TMEM202: variants seen among roughly 807,000 people sequenced by gnomAD.
TMEM202 encodes transmembrane protein 202.
Under a neutral mutation model 26.1 loss-of-function variants are expected in TMEM202, and 25 were observed. The observed-to-expected ratio is 0.96, with a 90% CI of 0.70 to 1.34. The LOEUF (loss-of-function observed/expected upper bound fraction) is 1.34, where lower values mean the gene tolerates loss of function less well. Ranked by LOEUF, TMEM202 falls within the 40% of genes most tolerant of loss-of-function variation. The pLI, the probability that TMEM202 is intolerant of heterozygous loss-of-function variation, is 0.00. For missense variants in TMEM202, 301 were observed against 327.7 expected (o/e 0.92, Z 0.63); for synonymous variants, 122 against 119.0 (o/e 1.02, Z -0.16).
rs763484566 is a variant in TMEM202 at position 72,398,754 on chromosome 15, C to T, written c.183C>T (p.Gly61=). 1.9e-6 allele frequency: 3 copies of T among 1,614,194 alleles called. No homozygotes were observed. In the South Asian group the frequency reaches 3.3e-5, roughly 18 times the overall value. The change falls in exon 2 of 5, where the codon GGC becomes GGT. Residue 61 remains glycine (G), a synonymous_variant. Coordinates refer to ENST00000341689, the MANE Select transcript of TMEM202 (RefSeq NM_001080462.3). ...ACATCTACATCCGAACGCTCTGTGG[C>T]AGCCTCTGTAGTTTTAGCCTCCTAA... The part of the protein sequence containing the change: ...QAHIYIRTLC[G]SLCSFSLLML...
chr15:72,406,712 A>G lies in TMEM202; in HGVS notation c.448A>G (p.Asn150Asp). The G allele has an allele frequency of 1.2e-6, 2 of 1,614,092 alleles. No homozygotes were observed. The highest frequency in any genetic ancestry group is 1.7e-6 in the Non-Finnish European group (2 of 1,179,996). Residue 150 changes from asparagine to aspartate, a missense_variant, in exon 3 of 5, where the codon AAC becomes GAC. Transcript: ENST00000341689. ...WILNRGSMTT[N>D]LDLKVSMLSF... Reference sequence around the variant, plus strand: ...CCTTAATCGAGGAAGCATGACCACCAACTTGGATCTGAAGGTATCCATGCT... The same window carrying G: ...CCTTAATCGAGGAAGCATGACCACCGACTTGGATCTGAAGGTATCCATGCT...
intron 2 of TMEM202, among the ~76,000 whole-genome samples, chr15:72,405,497 T>A (rs1359511828): frequency 6.6e-6 from 1 of 152,104 alleles, no homozygotes; most frequent in Non-Finnish European, 1.5e-5. Context: ...CAGTCCGCAG[T>A]GGCAGAGCCA....
At chr15:72,403,295 C>T (rs1011980265) in intron 2 of TMEM202, among the ~76,000 whole-genome samples, 1 of 152,072 alleles carries the variant, frequency 6.6e-6, no homozygotes, top group African/African-American at 2.4e-5. Context: ...GGGCTGATCC[C>T]GAGAACATCT....
Position 72,406,710 on chromosome 15 carries a change from C to T in TMEM202, c.446C>T (p.Thr149Ile), listed in dbSNP as rs760437004. The part of the protein sequence containing the change: ...SWILNRGSMT[T>I]NLDLKVSMLS... ...ATCCTTAATCGAGGAAGCATGACCACCAACTTGGATCTGAAGGTATCCATG... is the reference window on the plus strand; with the variant it reads ...ATCCTTAATCGAGGAAGCATGACCATCAACTTGGATCTGAAGGTATCCATG... Residue 149 changes from threonine to isoleucine, a missense_variant, in exon 3 of 5, where the codon ACC becomes ATC. Physicochemically the swap from Thr to Ile is moderately conservative, Grantham distance 89. Transcript: ENST00000341689. The T allele has an allele frequency of 2.3e-5, 37 of 1,614,160 alleles. No homozygotes were observed. Among genetic ancestry groups the T allele is most frequent in the Non-Finnish European group, 3.0e-5 (35 of 1,180,014 alleles).
Position 72,398,357 on chromosome 15 carries a change from T to G in TMEM202, c.31T>G (p.Phe11Val). MERREHLTLT[F>V]HSPEVPKIKG... Reference sequence around the variant, plus strand: ...GCGAAGGGAACATTTAACCTTGACTTTCCACAGTCCTGAGGTTCCCAAAAT... The same window carrying G: ...GCGAAGGGAACATTTAACCTTGACTGTCCACAGTCCTGAGGTTCCCAAAAT... The change falls in exon 1 of 5, where the codon TTC (phenylalanine) becomes GTC (valine). Residue 11 changes from phenylalanine (F) to valine (V), a missense_variant. Phe to Val is a conservative substitution (Grantham distance 50). Coordinates refer to ENST00000341689, the MANE Select transcript of TMEM202 (RefSeq NM_001080462.3). 1.2e-6 allele frequency: 2 copies of G among 1,613,458 alleles called. No homozygotes were observed. The highest frequency in any genetic ancestry group is 1.7e-6 in the Non-Finnish European group (2 of 1,179,838).
chr15:72,405,041 G>C (rs1482922731), intron 2 of TMEM202, among the ~76,000 whole-genome samples: 3 of 152,214 alleles, frequency 2.0e-5, no homozygotes, highest in African/African-American at 7.2e-5. Context: ...GTGGATAGGG[G>C]TGTGGTTTCT....
rs2063534014 is a variant in TMEM202 at position 72,398,760 on chromosome 15, C to T, written c.189C>T (p.Leu63=). ...HIYIRTLCGS[L]CSFSLLMLIA... is the part of the protein sequence containing the mutation. ...ACATCCGAACGCTCTGTGGCAGCCT[C>T]TGTAGTTTTAGCCTCCTAATGCTGA... The change falls in exon 2 of 5, where the codon CTC becomes CTT. Residue 63 remains leucine, a synonymous_variant. Transcript: ENST00000341689. 3 of 1,614,174 alleles carry T rather than the reference C, an allele frequency of 1.9e-6. No homozygotes were observed. The highest frequency in any genetic ancestry group is 1.6e-4 in the Middle Eastern group (1 of 6,062).
intron 2 of TMEM202, among the ~76,000 whole-genome samples, chr15:72,400,803 A>C (rs563926166): frequency 1.3e-5 from 2 of 152,300 alleles, no homozygotes; most frequent in South Asian, 4.1e-4. Flanking sequence ...ACTCCATAGG[A>C]AGAGGAGCCC....
chr15:72,407,560 C>T (rs924190704), intron 4 of TMEM202, 131 bp from the exon 5 acceptor site: 1 of 768,840 alleles, frequency 1.3e-6, no homozygotes, highest in Non-Finnish European at 2.1e-6. Flanking sequence ...GGTAAAGTAA[C>T]TCCACTGGGG....
chr15:72,407,847 T>C lies in TMEM202; in HGVS notation c.776T>C (p.Leu259Pro). ...GGGCCAAGGTCTGAGATGGAATCTC[T>C]AAGTGTGAGAGAGAAAAATTTACCA... is the stretch of plus-strand genomic sequence containing the variant. Reference protein sequence around the residue: ...DEGPRSEMESLSVREKNLPKS... With the variant: ...DEGPRSEMESPSVREKNLPKS... The change falls in exon 5 of 5, where the codon CTA becomes CCA. Residue 259 changes from leucine to proline, a missense_variant. Physicochemically the swap from Leu to Pro is moderately conservative, Grantham distance 98. Coordinates refer to ENST00000341689, the MANE Select transcript of TMEM202 (RefSeq NM_001080462.3). 6.2e-7 allele frequency: 1 copy of C among 1,614,014 alleles called. No homozygotes were observed. The highest frequency in any genetic ancestry group is 8.5e-7 in the Non-Finnish European group (1 of 1,179,972).
At chr15:72,399,464 G>T (rs2063537868) in intron 2 of TMEM202, among the ~76,000 whole-genome samples, 1 of 152,168 alleles carries the variant, frequency 6.6e-6, no homozygotes, top group Admixed American at 6.5e-5. Context: ...TTTACAAGGT[G>T]TTACTGCTAA....
intron 4 of TMEM202, 128 bp downstream of exon 4, chr15:72,407,345 G>C (rs1015506264): frequency 3.2e-5 from 37 of 1,138,886 alleles, no homozygotes; most frequent in Admixed American, 6.6e-5. Context: ...TGGAGAGTCA[G>C]GGGGGCATAA....
chr15:72,405,703 T>C (rs2063567542), intron 2 of TMEM202, among the ~76,000 whole-genome samples: 1 of 152,202 alleles, frequency 6.6e-6, no homozygotes, highest in East Asian at 1.9e-4. Flanking sequence ...TTAAAGTAAA[T>C]GAGGCTGGGC....
At chr15:72,403,868 A>G (rs928363187) in intron 2 of TMEM202, among the ~76,000 whole-genome samples, 1 of 152,190 alleles carries the variant, frequency 6.6e-6, no homozygotes, top group Admixed American at 6.5e-5. Context: ...TCTATGCTGC[A>G]CATCTTTAAA....
chr15:72,401,809 T>C (rs2063548777), intron 2 of TMEM202, among the ~76,000 whole-genome samples: 1 of 152,102 alleles, frequency 6.6e-6, no homozygotes, highest in East Asian at 1.9e-4. Flanking sequence ...CACCCTATTT[T>C]CCATGTTATT....
In TMEM202 at chr15:72,398,764, A is replaced by G; in HGVS notation, c.193A>G (p.Ser65Gly). ...YIRTLCGSLC[S>G]FSLLMLIAMS... ...CCGAACGCTCTGTGGCAGCCTCTGT[A>G]GTTTTAGCCTCCTAATGCTGATCGC... The change falls in exon 2 of 5, where the codon AGT becomes GGT. Residue 65 changes from serine to glycine, a missense_variant. Coordinates refer to ENST00000341689, the MANE Select transcript of TMEM202 (RefSeq NM_001080462.3). The G allele has an allele frequency of 6.2e-7, 1 of 1,614,132 alleles. No homozygotes were observed. The highest frequency in any genetic ancestry group is 8.5e-7 in the Non-Finnish European group (1 of 1,180,028).
At chr15:72,407,486 C>T (rs796459233) in intron 4 of TMEM202, among the ~76,000 whole-genome samples, 6 of 152,214 alleles carry the variant, frequency 3.9e-5, no homozygotes, top group African/African-American at 1.4e-4. Flanking sequence ...GATCTGAATC[C>T]AGGAGGTTCA....
chr15:72,406,901 A>G, intron 3 of TMEM202, 150 bp downstream of exon 3: 1 of 1,171,178 alleles, frequency 8.5e-7, no homozygotes, highest in Non-Finnish European at 1.2e-6. Flanking sequence ...ATCTAATTAT[A>G]TAGAACACAC....
At chr15:72,406,877 C>T in intron 3 of TMEM202, 126 bp downstream of exon 3, 1 of 1,214,824 alleles carries the variant, frequency 8.2e-7, no homozygotes, top group Non-Finnish European at 1.2e-6. Flanking sequence ...ACCAACTTGC[C>T]AGCTATCTGC....
Sources: gnomAD v4.1 joint callset for allele counts (sites outside exome capture counted in the v4.1 genomes callset) on GRCh38, gnomAD v4.1.1 for gene constraint, MANE v1.5 for transcripts, NCBI Gene and HGNC (gene_info 2026-07-23, HGNC 2026-07-21) for gene names.